The following RTN1 variants were observed in gnomAD, a reference collection of about 807,000 sequenced individuals.
The protein encoded by RTN1 is reticulon-1.
RTN1 carries 25 observed loss-of-function variants against 65.5 expected under a neutral mutation model. That is an observed-to-expected ratio of 0.38 (90% CI 0.28 to 0.53). The LOEUF is 0.53. RTN1 is among the 20% of genes least tolerant of loss of function. The probability of loss-of-function intolerance (pLI) is 0.79; values close to 1 mark genes in which losing one functional copy is unlikely to be tolerated. For synonymous variants in RTN1, 471 were observed against 447.6 expected (o/e 1.05, Z -0.66); for missense variants, 983 against 1,025.4 (o/e 0.96, Z 0.57).
chr14:59,783,883 T>G (rs538766799), intron 1 of RTN1, among the ~76,000 whole-genome samples: 188 of 151,310 alleles, frequency 1.2e-3, no homozygotes, highest in Non-Finnish European at 2.3e-3. Flanking sequence ...TAATAGAATT[T>G]TATAACCTTA....
In RTN1 at chr14:59,868,055, T is replaced by C. The variant is rs797009027; in HGVS notation, c.241+2335A>G. Among the ~76,000 whole-genome samples the C allele has an allele frequency of 3.5e-4, 53 of 152,332 alleles. No individual in the cohort carries two copies. The highest frequency in any genetic ancestry group is 1.1e-3 in the African/African-American group (47 of 41,584). ...TGCTTAATAGGCATCTCTGATACAATTGAGGGCTCACCTGCTAACTTTGCT... is the reference window on the plus strand; with the variant it reads ...TGCTTAATAGGCATCTCTGATACAACTGAGGGCTCACCTGCTAACTTTGCT... On this transcript the variant is annotated intron_variant, in intron 1 of 8. Transcript: ENST00000267484. This position sits in a 1 kb window ranked among gnomAD's most constrained non-coding sequence, Gnocchi z 4.0.
chr14:59,615,887 T>G (rs1882087601), intron 3 of RTN1, among the ~76,000 whole-genome samples: 1 of 152,168 alleles, frequency 6.6e-6, no homozygotes, highest in African/African-American at 2.4e-5. Flanking sequence ...TCTATTAGAG[T>G]AAAGGTTTTT....
intron 1 of RTN1, among the ~76,000 whole-genome samples, chr14:59,799,373 G>A (rs1886497269): frequency 6.6e-6 from 1 of 152,154 alleles, no homozygotes; most frequent in African/African-American, 2.4e-5. Flanking sequence ...TTAACATTGA[G>A]GCAAATGTGG....
rs866274930 is a variant in RTN1 at position 59,783,540 on chromosome 14, C to T, written c.242-37059G>A. ...GGGATTTGATTCCTCCACCACAGGC[C>T]CTCTGATTTTCAGCAAAGAGATTAA... is the stretch of plus-strand genomic sequence containing the variant. On this transcript the variant is annotated intron_variant, in intron 1 of 8. Transcript: ENST00000267484. Among the ~76,000 whole-genome samples, 3 of 152,076 alleles carry T rather than the reference C, an allele frequency of 2.0e-5. No individual in the cohort carries two copies. The South Asian group carries it at 6.2e-4, about 32-fold the overall frequency.
At chr14:59,714,902 A>G (rs963369236) in intron 3 of RTN1, among the ~76,000 whole-genome samples, 6 of 152,190 alleles carry the variant, frequency 3.9e-5, no homozygotes, top group African/African-American at 1.4e-4. Context: ...CTCCTGTCCA[A>G]TCAGCAGTGA....
chr14:59,741,183 C>T (rs552706775), intron 2 of RTN1, among the ~76,000 whole-genome samples: 47 of 152,258 alleles, frequency 3.1e-4, no homozygotes, highest in African/African-American at 1.0e-3. Flanking sequence ...CCAGCCAAGC[C>T]GGCCTTCCAG....
At chr14:59,869,593 C>T (rs376448089) in intron 1 of RTN1, among the ~76,000 whole-genome samples, 8 of 75,922 alleles carry the variant, frequency 1.1e-4, no homozygotes, top group East Asian at 1.2e-3. Context: ...GGGGGGGGGG[C>T]GCTTAGACTG....
intron 2 of RTN1, among the ~76,000 whole-genome samples, chr14:59,745,455 A>G (rs1212820434): frequency 6.6e-6 from 1 of 152,144 alleles, no homozygotes; most frequent in Admixed American, 6.5e-5. Flanking sequence ...TCTCCCCTCA[A>G]ATAAAGAAAA....
chr14:59,770,380 A>G (rs1354063648), intron 1 of RTN1, among the ~76,000 whole-genome samples: 1 of 137,006 alleles, frequency 7.3e-6, no homozygotes, highest in African/African-American at 3.1e-5. Flanking sequence ...CTCTGCCTCA[A>G]AAAAAAAAAA....
chr14:59,855,843 G>A (rs936760294), intron 1 of RTN1, among the ~76,000 whole-genome samples: 4 of 152,176 alleles, frequency 2.6e-5, no homozygotes, highest in African/African-American at 7.2e-5. Context: ...TCCTCAGAAA[G>A]GTGGAAGTCT....
At chr14:59,771,021 G>A (rs912517678) in intron 1 of RTN1, among the ~76,000 whole-genome samples, 1 of 151,820 alleles carries the variant, frequency 6.6e-6, no homozygotes, top group Non-Finnish European at 1.5e-5. Flanking sequence ...CTCCAGCCTG[G>A]GCGACAGAGT....
At position 59,739,490 on chromosome 14, in the gene RTN1, G is replaced by A. The variant is rs111973237; in HGVS notation, c.1015+6218C>T. Among the ~76,000 whole-genome samples, 205 of 150,354 alleles carry A rather than the reference G, an allele frequency of 1.4e-3. 1 individual carries two copies. The highest frequency in any genetic ancestry group is 4.8e-3 in the African/African-American group (195 of 40,840). On this transcript the variant is annotated intron_variant, in intron 2 of 8. Coordinates refer to ENST00000267484, the MANE Select transcript of RTN1 (RefSeq NM_021136.3). ...CGGGAGGCTGAGGTTGCAGTGAGCC[G>A]AGATCATGCCACTGCACTCCAGCCT...
Position 59,603,898 on chromosome 14 carries a change from C to T in RTN1, c.2136G>A (p.Leu712=). 6.2e-7 allele frequency: 1 copy of T among 1,611,946 alleles called. No individual in the cohort carries two copies. Among genetic ancestry groups the T allele is most frequent in the Non-Finnish European group, 8.5e-7 (1 of 1,178,422 alleles). ...SLKFAVLMWL[L]TYVGALFNGL... is the part of the protein sequence containing the mutation. ...CATTGAAGAGAGCGCCAACGTAGGTCAGGAGCCACATCAGGACTGCAAACT... is the reference window on the plus strand; with the variant it reads ...CATTGAAGAGAGCGCCAACGTAGGTTAGGAGCCACATCAGGACTGCAAACT... Residue 712 remains leucine (L), a synonymous_variant, in exon 6 of 9, where the codon CTG becomes CTA. Coordinates refer to ENST00000267484, the MANE Select transcript of RTN1 (RefSeq NM_021136.3).
chr14:59,596,383 G>A lies in RTN1; in HGVS notation c.*362C>T, dbSNP rs774572884. 1.2e-5 allele frequency: 2 copies of A among 170,928 alleles called. No individual in the cohort carries two copies. The highest frequency in any genetic ancestry group is 2.4e-5 in the African/African-American group (1 of 41,968). 10.6% of individuals were successfully genotyped at this position (170,928 alleles called of 1,614,324 possible). A position where few individuals can be genotyped will look rare whatever the true frequency, so the allele number is the denominator to read the frequency against. ...TTTCCACTATTGCATCAGAGCACTC[G>A]GCAGGAAAGGCCTAGCCACGGGGAA... On this transcript the variant is annotated 3_prime_UTR_variant, in exon 9 of 9. Transcript: ENST00000267484.
At chr14:59,793,725 T>C (rs1411521070) in intron 1 of RTN1, among the ~76,000 whole-genome samples, 1 of 152,006 alleles carries the variant, frequency 6.6e-6, no homozygotes, top group Non-Finnish European at 1.5e-5. Context: ...CCTTTATTCC[T>C]TTAGACTCTT....
intron 2 of RTN1, among the ~76,000 whole-genome samples, chr14:59,739,125 T>C (rs1885062838): frequency 6.6e-6 from 1 of 151,680 alleles, no homozygotes; most frequent in African/African-American, 2.4e-5. Flanking sequence ...TATAAAAACC[T>C]GCACATCCTG....
chr14:59,725,927 C>G (rs1884748349), intron 3 of RTN1, among the ~76,000 whole-genome samples: 1 of 152,210 alleles, frequency 6.6e-6, no homozygotes, highest in African/African-American at 2.4e-5. Flanking sequence ...AAAGAAAGCA[C>G]TTCTAAAGGA....
chr14:59,744,404 G>C (rs1885174465), intron 2 of RTN1, among the ~76,000 whole-genome samples: 1 of 152,196 alleles, frequency 6.6e-6, no homozygotes. Context: ...GAGTGGCACA[G>C]GGTGGGGTGA....
intron 1 of RTN1, among the ~76,000 whole-genome samples, chr14:59,805,922 G>A (rs1239103241): frequency 6.6e-6 from 1 of 152,058 alleles, no homozygotes; most frequent in Non-Finnish European, 1.5e-5. Flanking sequence ...TGTCTCTTAT[G>A]AATGATATGA....
Sources: allele counts gnomAD v4.1 joint callset (sites outside exome capture counted in the v4.1 genomes callset), GRCh38; gene constraint gnomAD v4.1.1; non-coding constraint Gnocchi (gnomAD v3.1); transcripts MANE v1.5; gene names NCBI Gene and HGNC (gene_info 2026-07-23, HGNC 2026-07-21).